The following PPP1R12A variants were observed in gnomAD, a reference collection of about 807,000 sequenced individuals.
PPP1R12A encodes myosin binding subunit.
In PPP1R12A, 19 loss-of-function variants were observed where a neutral mutation model predicts 139.6. The observed-to-expected ratio is 0.14, with a 90% CI of 0.09 to 0.20. The LOEUF is 0.20. Ranked by LOEUF, PPP1R12A falls within the 10% of genes least tolerant of loss-of-function variation. The pLI, the probability that PPP1R12A is intolerant of heterozygous loss-of-function variation, is 1.00. For missense variants in PPP1R12A, 925 were observed against 1,211.5 expected (o/e 0.76, Z 3.51); for synonymous variants, 427 against 420.6 (o/e 1.02, Z -0.19).
intron 9 of PPP1R12A, among the ~76,000 whole-genome samples, chr12:79,815,336 C>T (rs1875215084): frequency 6.6e-6 from 1 of 152,048 alleles, no homozygotes; most frequent in Admixed American, 6.6e-5. Context: ...CGAGAATACC[C>T]TAACATGGTG....
intron 2 of PPP1R12A, among the ~76,000 whole-genome samples, chr12:79,867,355 A>G (rs1371081736): frequency 6.6e-6 from 1 of 152,154 alleles, no homozygotes; most frequent in East Asian, 1.9e-4. Context: ...CATTAGGAGA[A>G]ATACCCAATG....
intron 1 of PPP1R12A, among the ~76,000 whole-genome samples, chr12:79,911,808 A>G (rs1211862083): frequency 2.0e-5 from 3 of 151,974 alleles, no homozygotes; most frequent in Non-Finnish European, 4.4e-5. Flanking sequence ...CTCCAGGCAC[A>G]ACTCTCCTCT....
chr12:79,868,266 G>A (rs1190508025), intron 2 of PPP1R12A, among the ~76,000 whole-genome samples: 1 of 152,094 alleles, frequency 6.6e-6, no homozygotes, highest in East Asian at 1.9e-4. Context: ...TTGCATACAT[G>A]GGTTCTTGGG....
chr12:79,841,447 C>T (rs773669591), intron 3 of PPP1R12A, among the ~76,000 whole-genome samples: 24 of 152,158 alleles, frequency 1.6e-4, no homozygotes, highest in African/African-American at 2.4e-5. Context: ...CTGTGAAATC[C>T]TTAAGAAGGA....
At chr12:79,853,253 C>T (rs548034083) in intron 2 of PPP1R12A, among the ~76,000 whole-genome samples, 1 of 152,272 alleles carries the variant, frequency 6.6e-6, no homozygotes, top group South Asian at 2.1e-4. Context: ...AAAGACTGGG[C>T]TTTTGCTGGC....
chr12:79,816,801 G>A (rs1240985978), intron 9 of PPP1R12A, among the ~76,000 whole-genome samples: 1 of 152,136 alleles, frequency 6.6e-6, no homozygotes, highest in African/African-American at 2.4e-5. Flanking sequence ...AAGATAGTAA[G>A]TAACTTGCTC....
At position 79,862,157 on chromosome 12, in the gene PPP1R12A, T is replaced by C. The variant is rs367932301; in HGVS notation, c.368+10651A>G. Among the ~76,000 whole-genome samples, 57 of 152,298 alleles carry C rather than the reference T, an allele frequency of 3.7e-4. 1 individual carries two copies. Among genetic ancestry groups the C allele is most frequent in the African/African-American group, 1.3e-3 (53 of 41,568 alleles). On this transcript the variant is annotated intron_variant, in intron 2 of 24. Transcript: ENST00000450142. Reference sequence around the variant, plus strand: ...AATATTTGCTGTTCTGCAGCCTCCATTGGTGATGCCCAGGCAAACAGGGTC... The same window carrying C: ...AATATTTGCTGTTCTGCAGCCTCCACTGGTGATGCCCAGGCAAACAGGGTC...
chr12:79,876,687 T>TTA (rs1234742098), intron 1 of PPP1R12A, among the ~76,000 whole-genome samples: 1 of 152,140 alleles, frequency 6.6e-6, no homozygotes, highest in Non-Finnish European at 1.5e-5. Flanking sequence ...AGAAATGCTT[T>TTA]TAGCAGCATT....
At chr12:79,788,608 A>G (rs1172184269) in intron 21 of PPP1R12A, 40 bp downstream of exon 21, 12 of 1,524,556 alleles carry the variant, frequency 7.9e-6, no homozygotes, top group South Asian at 2.5e-5. Context: ...TCAACATAAA[A>G]GATAACTTTT....
At chr12:79,836,295 AT>A (rs1222138259) in intron 3 of PPP1R12A, among the ~76,000 whole-genome samples, 1 of 152,102 alleles carries the variant, frequency 6.6e-6, no homozygotes, top group Non-Finnish European at 1.5e-5. Flanking sequence ...CTATTAAGTG[AT>A]TTATCTTAGA....
intron 2 of PPP1R12A, among the ~76,000 whole-genome samples, chr12:79,861,020 A>G (rs761621069): frequency 6.6e-6 from 1 of 152,186 alleles, no homozygotes; most frequent in Admixed American, 6.5e-5. Flanking sequence ...AGAAAAAAAC[A>G]CTTTGGTGCT....
At chr12:79,846,154 T>C (rs1879363582) in intron 2 of PPP1R12A, among the ~76,000 whole-genome samples, 1 of 148,014 alleles carries the variant, frequency 6.8e-6, no homozygotes, top group African/African-American at 2.6e-5. Context: ...TTTTTAATAT[T>C]TTACTAAAGA....
chr12:79,929,953 T>C (rs1301744417), intron 1 of PPP1R12A, among the ~76,000 whole-genome samples: 5 of 152,090 alleles, frequency 3.3e-5, no homozygotes, highest in East Asian at 3.8e-4. Flanking sequence ...AAACTTCCTA[T>C]TGATGAGGTA....
chr12:79,801,319 T>C (rs1873123466), intron 14 of PPP1R12A, among the ~76,000 whole-genome samples: 1 of 108,116 alleles, frequency 9.2e-6, no homozygotes, highest in East Asian at 2.8e-4. Context: ...CACTCCAGCC[T>C]GGGCAACTAG....
At chr12:79,828,502 C>A (rs775859869) in intron 4 of PPP1R12A, 38 bp from the exon 5 acceptor site, 11 of 1,435,856 alleles carry the variant, frequency 7.7e-6, no homozygotes, top group Non-Finnish European at 4.7e-6. Flanking sequence ...TCATTAAAAT[C>A]TAGAAATAAA....
At chr12:79,901,879 T>G (rs760785840) in intron 1 of PPP1R12A, among the ~76,000 whole-genome samples, 1 of 152,168 alleles carries the variant, frequency 6.6e-6, no homozygotes, top group African/African-American at 2.4e-5. Context: ...GGGAAAACTT[T>G]CCCTGTTTCC....
intron 9 of PPP1R12A, among the ~76,000 whole-genome samples, chr12:79,811,544 G>A (rs998135533): frequency 3.9e-5 from 6 of 152,112 alleles, no homozygotes; most frequent in Non-Finnish European, 8.8e-5. Context: ...AAACACTAGG[G>A]GCTCCAATGA....
At chr12:79,795,863 G>C (rs901053985) in intron 17 of PPP1R12A, 104 bp from the exon 18 acceptor site, 1 of 1,060,324 alleles carries the variant, frequency 9.4e-7, no homozygotes, top group East Asian at 2.7e-5. Flanking sequence ...GACTATCTAG[G>C]GGGATGGAAG....
chr12:79,774,621 GCTTT>G lies in PPP1R12A; in HGVS notation c.*1304_*1307del, dbSNP rs1869544174. 1.3e-5 allele frequency: 1 copy of G among 77,814 alleles called. No homozygotes were observed. The highest frequency in any genetic ancestry group is 2.6e-5 in the Non-Finnish European group (1 of 38,700). The allele number at this position is 77,814 out of a possible 1,614,324, so 4.8% of individuals were successfully genotyped here. A position where few individuals can be genotyped will look rare whatever the true frequency, so the allele number is the denominator to read the frequency against. On this transcript the variant is annotated 3_prime_UTR_variant, in exon 25 of 25. Coordinates refer to ENST00000450142, the MANE Select transcript of PPP1R12A (RefSeq NM_002480.3). ...ATCGTCACTATGTACTTGGTTTTGC[GCTTT>G]TTTTTCCTTAAAAAAAAAAAAAGGC...
Sources: gnomAD v4.1 joint callset for allele counts (sites outside exome capture counted in the v4.1 genomes callset) on GRCh38, gnomAD v4.1.1 for gene constraint, MANE v1.5 for transcripts, NCBI Gene and HGNC (gene_info 2026-07-23, HGNC 2026-07-21) for gene names.